The following ANKHD1 variants were observed in gnomAD, a reference collection of about 807,000 sequenced individuals.
ANKHD1 encodes ankyrin repeat and KH domain containing 1.
ANKHD1 carries 31 observed loss-of-function variants against 230.5 expected under a neutral mutation model. The observed-to-expected ratio is 0.13, with a 90% CI of 0.10 to 0.18. The LOEUF (loss-of-function observed/expected upper bound fraction) is 0.18, where lower values mean the gene tolerates loss of function less well. Among genes scored for constraint, ANKHD1 ranks in the 10% least tolerant of loss-of-function variants. ANKHD1 has a pLI of 1.00. For missense variants in ANKHD1, 2,256 were observed against 3,071.3 expected, an observed-to-expected ratio of 0.73 and a Z score of 6.27; for synonymous variants, 1,074 against 1,117.6, an observed-to-expected ratio of 0.96 and a Z score of 0.78.
chr5:140,466,392 CA>C (rs5871737), intron 10 of ANKHD1, among the ~76,000 whole-genome samples: 91,716 of 131,822 alleles, frequency 0.7, 29,787 homozygotes, highest in East Asian at 0.83. Context: ...AACGCCATCT[CA>C]AAAAAAAAAA....
intron 5 of ANKHD1, among the ~76,000 whole-genome samples, chr5:140,443,762 G>C (rs1476294190): frequency 6.6e-6 from 1 of 151,890 alleles, no homozygotes; most frequent in African/African-American, 2.4e-5. Flanking sequence ...GAGGATTCTT[G>C]GTGATCATCA....
chr5:140,514,875 G>C (rs1039744882), intron 24 of ANKHD1, among the ~76,000 whole-genome samples: 2 of 152,088 alleles, frequency 1.3e-5, no homozygotes, highest in Non-Finnish European at 2.9e-5. Context: ...AGGAGGCTGA[G>C]GCGAGAGGAT....
At chr5:140,442,419 G>A (rs546140298) in intron 5 of ANKHD1, among the ~76,000 whole-genome samples, 3 of 151,990 alleles carry the variant, frequency 2.0e-5, no homozygotes, top group Non-Finnish European at 4.4e-5. Context: ...TTCCACACGT[G>A]GGGGAGGGAG....
intron 1 of ANKHD1, among the ~76,000 whole-genome samples, chr5:140,403,631 G>A (rs1770174882): frequency 6.6e-6 from 1 of 152,082 alleles, no homozygotes; most frequent in Admixed American, 6.5e-5. Flanking sequence ...GGATGGTCTC[G>A]ATCTCCTGAC....
chr5:140,431,119 C>T (rs941719794), intron 1 of ANKHD1, among the ~76,000 whole-genome samples: 1 of 152,104 alleles, frequency 6.6e-6, no homozygotes, highest in African/African-American at 2.4e-5. Flanking sequence ...TTTATTGATT[C>T]CACATTGAGA....
At chr5:140,422,304 T>G (rs1772046076) in intron 1 of ANKHD1, among the ~76,000 whole-genome samples, 2 of 152,020 alleles carry the variant, frequency 1.3e-5, no homozygotes, top group African/African-American at 4.8e-5. Flanking sequence ...TTGTATTTCT[T>G]AGGAGAGATG....
chr5:140,506,721 A>C lies in ANKHD1; in HGVS notation c.3409-114A>C. ...ATTTAGGGTCTAATGAAATGTAATT[A>C]AAATATCAGATATTTAGATAAGGAA... is the stretch of plus-strand genomic sequence containing the variant. On this transcript the variant is annotated intron_variant, in intron 18 of 33. Transcript: ENST00000360839. The surrounding 1 kb of genome is among the most constrained non-coding windows in gnomAD (Gnocchi z 4.7). The C allele has an allele frequency of 6.9e-7, 1 of 1,441,832 alleles. No homozygotes were observed. Among genetic ancestry groups the C allele is most frequent in the Non-Finnish European group, 9.4e-7 (1 of 1,066,928 alleles). The allele number at this position is 1,441,832 out of a possible 1,614,324, so 89.3% of individuals were successfully genotyped here. A position where few individuals can be genotyped will look rare whatever the true frequency, so the allele number is the denominator to read the frequency against.
In ANKHD1 at chr5:140,527,984, A is replaced by C; in HGVS notation, c.5199A>C (p.Lys1733Asn). The C allele has an allele frequency of 6.2e-7, 1 of 1,613,974 alleles. No individual in the cohort carries two copies. Among genetic ancestry groups the C allele is most frequent in the Non-Finnish European group, 8.5e-7 (1 of 1,179,888 alleles). ...CTGGTGCCCATATTGATGTGGATAA[A>C]CAAAAAGATAAGAATGGCGAGAGAA... ...DVTGAHIDVD[K>N]QKDKNGERMI... The change falls in exon 28 of 34, where the codon AAA becomes AAC. Residue 1733 changes from lysine to asparagine, a missense_variant. By Grantham distance (94) the Lys-to-Asn change is moderately conservative (BLOSUM62 0). Transcript: ENST00000360839. The surrounding 1 kb of genome is among the most constrained non-coding windows in gnomAD (Gnocchi z 4.5).
At chr5:140,429,432 G>A (rs1312165629) in intron 1 of ANKHD1, among the ~76,000 whole-genome samples, 1 of 152,138 alleles carries the variant, frequency 6.6e-6, no homozygotes, top group Non-Finnish European at 1.5e-5. Flanking sequence ...AATGAAATTT[G>A]TGGCTACTAA....
At chr5:140,523,381 T>G (rs1753449820) in intron 24 of ANKHD1, among the ~76,000 whole-genome samples, 1 of 152,118 alleles carries the variant, frequency 6.6e-6, no homozygotes, top group African/African-American at 2.4e-5. Context: ...GTGCTTGTAT[T>G]ACAGGCGTGA....
chr5:140,438,123 A>G (rs1015587667), intron 2 of ANKHD1, among the ~76,000 whole-genome samples: 8 of 152,346 alleles, frequency 5.3e-5, no homozygotes, highest in East Asian at 1.9e-4. Context: ...GATATCCTGT[A>G]CTAGAGATCT....
At chr5:140,495,490 C>T (rs1008016232) in intron 14 of ANKHD1, among the ~76,000 whole-genome samples, 1 of 152,206 alleles carries the variant, frequency 6.6e-6, no homozygotes, top group East Asian at 1.9e-4. Flanking sequence ...TGTGATCCGC[C>T]TGCCTCTGCC....
intron 1 of ANKHD1, among the ~76,000 whole-genome samples, chr5:140,419,959 C>T (rs1483617961): frequency 2.0e-4 from 1 of 4,928 alleles, no homozygotes; most frequent in African/African-American, 8.7e-4. Context: ...CCCTCCCCTC[C>T]CCTCCCCTCC....
intron 11 of ANKHD1, 94 bp downstream of exon 11, chr5:140,482,761 T>A: frequency 1.6e-6 from 2 of 1,287,314 alleles, no homozygotes; most frequent in Non-Finnish European, 2.2e-6. Flanking sequence ...CTACTTTACC[T>A]ACAGTAAAGT....
At chr5:140,491,097 TATATATATATACACACACACAC>T (rs1751756426) in intron 14 of ANKHD1, among the ~76,000 whole-genome samples, 1 of 124,722 alleles carries the variant, frequency 8.0e-6, no homozygotes, top group African/African-American at 2.9e-5. Context: ...TGTGTGTATA[TATATATATATACACACACACAC>T]ATATATATAT....
intron 7 of ANKHD1, among the ~76,000 whole-genome samples, chr5:140,452,923 C>CTAAAGGAGG (rs1001681340): frequency 2.6e-5 from 4 of 152,126 alleles, no homozygotes; most frequent in African/African-American, 7.2e-5. Flanking sequence ...CTTCTCTGAG[C>CTAAAGGAGG]TAAAGGAGGA....
In ANKHD1 at chr5:140,417,394, T is replaced by G. The variant is rs138559463; in HGVS notation, c.306+15121T>G. On this transcript the variant is annotated intron_variant, in intron 1 of 33. Transcript: ENST00000360839. ...TTTTTTTTGGTTATTATTTATGTAT[T>G]TATTTATTTAATTAAACATTTTTTT... is the stretch of plus-strand genomic sequence containing the variant. Among the ~76,000 whole-genome samples, 65 of 151,732 alleles carry G rather than the reference T, an allele frequency of 4.3e-4. No homozygotes were observed. In the East Asian group the frequency reaches 0.011, roughly 25 times the overall value.
chr5:140,457,455 A>C (rs1775287279), intron 7 of ANKHD1, among the ~76,000 whole-genome samples: 1 of 152,246 alleles, frequency 6.6e-6, no homozygotes, highest in Admixed American at 6.5e-5. Flanking sequence ...GAACCAAGCC[A>C]AATGTCCATC....
chr5:140,522,724 A>G (rs758358687), intron 24 of ANKHD1, among the ~76,000 whole-genome samples: 2 of 152,152 alleles, frequency 1.3e-5, no homozygotes, highest in Non-Finnish European at 2.9e-5. Flanking sequence ...GTGTTTAACT[A>G]TTTGAAGGAT....
Sources: allele counts gnomAD v4.1 joint callset (sites outside exome capture counted in the v4.1 genomes callset), GRCh38; gene constraint gnomAD v4.1.1; non-coding constraint Gnocchi (gnomAD v3.1); transcripts MANE v1.5; gene names NCBI Gene and HGNC (gene_info 2026-07-23, HGNC 2026-07-21).